The following GRM1 variants were observed in gnomAD, a reference collection of about 807,000 sequenced individuals.
The protein encoded by GRM1 is glutamate metabotropic receptor 1.
A neutral mutation model predicts 90.9 loss-of-function variants in GRM1; 33 were observed. The observed-to-expected ratio is 0.36, with a 90% CI of 0.28 to 0.49. The LOEUF is 0.49. GRM1 is among the 20% of genes least tolerant of loss of function. The pLI is 0.99. For synonymous variants in GRM1, 700 were observed against 613.2 expected (o/e 1.14, Z -2.09); for missense variants, 1,190 against 1,534.3 (o/e 0.78, Z 3.75).
At chr6:146,047,888 G>A (rs9390375) in intron 1 of GRM1, among the ~76,000 whole-genome samples, 1 of 152,104 alleles carries the variant, frequency 6.6e-6, no homozygotes, top group South Asian at 2.1e-4. Flanking sequence ...TCACATGAAA[G>A]ATGGCATATA....
intron 1 of GRM1, among the ~76,000 whole-genome samples, chr6:146,107,345 T>C (rs1775346916): frequency 6.7e-6 from 1 of 148,754 alleles, no homozygotes; most frequent in Admixed American, 6.6e-5. Flanking sequence ...TATTTTGTTG[T>C]TGTCTTTCCA....
intron 2 of GRM1, among the ~76,000 whole-genome samples, chr6:146,282,718 A>G (rs1782616792): frequency 1.3e-5 from 2 of 152,162 alleles, no homozygotes; most frequent in East Asian, 1.9e-4. Flanking sequence ...CTTTCTACAG[A>G]TGGTCAGAAA....
intron 2 of GRM1, among the ~76,000 whole-genome samples, chr6:146,244,692 G>A (rs542256846): frequency 1.7e-4 from 26 of 152,244 alleles, no homozygotes; most frequent in East Asian, 7.7e-4. Context: ...CTAGTTAACC[G>A]TGTGTAATAG....
intron 3 of GRM1, among the ~76,000 whole-genome samples, chr6:146,313,278 CTATTAA>C (rs1312320142): frequency 1.3e-5 from 2 of 152,136 alleles, no homozygotes; most frequent in African/African-American, 2.4e-5. Context: ...TTGGTTATAA[CTATTAA>C]TAAGTTCTTT....
At chr6:146,032,666 AG>A (rs2128836162) in intron 1 of GRM1, among the ~76,000 whole-genome samples, 1 of 152,302 alleles carries the variant, frequency 6.6e-6, no homozygotes, top group African/African-American at 2.4e-5. Context: ...CAAGGAAGCC[AG>A]TTTGTCTGGA....
At chr6:146,191,813 T>G (rs927278747) in intron 2 of GRM1, among the ~76,000 whole-genome samples, 6 of 152,218 alleles carry the variant, frequency 3.9e-5, no homozygotes, top group African/African-American at 1.4e-4. Context: ...ATCTATCACC[T>G]TTTGTTCTTT....
chr6:146,323,764 T>C lies in GRM1; in HGVS notation c.1186+18918T>C, dbSNP rs1329413711. ...TCTTTAATCCATCTTGAATTAATTTTTGTATAAAGTGTAAGGAAGGGATCC... is the reference window on the plus strand; with the variant it reads ...TCTTTAATCCATCTTGAATTAATTTCTGTATAAAGTGTAAGGAAGGGATCC... On this transcript the variant is annotated intron_variant, in intron 3 of 7. Coordinates refer to ENST00000282753, the MANE Select transcript of GRM1 (RefSeq NM_001278064.2). Among the ~76,000 whole-genome samples the C allele has an allele frequency of 4.6e-5, 7 of 152,354 alleles. No individual in the cohort carries two copies. In the East Asian group the frequency reaches 5.8e-4, roughly 13 times the overall value.
intron 1 of GRM1, among the ~76,000 whole-genome samples, chr6:146,049,611 C>T (rs1403884977): frequency 8.0e-6 from 1 of 125,510 alleles, no homozygotes; most frequent in African/African-American, 2.8e-5. Context: ...TCTCAACCTC[C>T]ATAATTGCAT....
chr6:146,121,803 G>T (rs1347060289), intron 1 of GRM1, among the ~76,000 whole-genome samples: 1 of 152,198 alleles, frequency 6.6e-6, no homozygotes. Flanking sequence ...GAGACAATTT[G>T]TTATAATTTC....
intron 2 of GRM1, chr6:146,171,518 T>C (rs1778125707): frequency 4.8e-6 from 1 of 207,302 alleles, no homozygotes; most frequent in South Asian, 1.0e-4. Flanking sequence ...GGCTAAAAAG[T>C]ATCCCGTGAC....
At chr6:146,350,959 T>A (rs1428242531) in intron 3 of GRM1, among the ~76,000 whole-genome samples, 2 of 152,216 alleles carry the variant, frequency 1.3e-5, no homozygotes, top group East Asian at 3.8e-4. Flanking sequence ...AGGGTAGATA[T>A]AAGGATATCC....
intron 5 of GRM1, among the ~76,000 whole-genome samples, chr6:146,358,393 G>T (rs1785672519): frequency 6.6e-6 from 1 of 152,198 alleles, no homozygotes; most frequent in Non-Finnish European, 1.5e-5. Flanking sequence ...AAACCAAACT[G>T]GGGGATGCGC....
rs1293164814 is a variant in GRM1, at chr6:146,435,861, A to G, written c.*1065A>G. The G allele has an allele frequency of 6.5e-6, 1 of 152,688 alleles. No homozygotes were observed. The highest frequency in any genetic ancestry group is 1.5e-5 in the Non-Finnish European group (1 of 68,040). The allele number at this position is 152,688 out of a possible 1,614,324, so 9.5% of individuals were successfully genotyped here. A position where few individuals can be genotyped will look rare whatever the true frequency, so the allele number is the denominator to read the frequency against. The stretch of plus-strand genomic sequence containing the variant: ...CAAGTTGAACTTCTAAGATGCGTAT[A>G]TGTACAATTTGGTGCCATTATTTCT... On this transcript the variant is annotated 3_prime_UTR_variant, in exon 8 of 8. Transcript: ENST00000282753.
At chr6:146,372,974 A>G (rs1331815302) in intron 5 of GRM1, among the ~76,000 whole-genome samples, 1 of 152,056 alleles carries the variant, frequency 6.6e-6, no homozygotes, top group African/African-American at 2.4e-5. Context: ...TACAAACTTT[A>G]GGATAGTTTT....
chr6:146,198,248 A>G (rs942355167), intron 2 of GRM1, among the ~76,000 whole-genome samples: 31 of 152,220 alleles, frequency 2.0e-4, no homozygotes, highest in African/African-American at 7.5e-4. Flanking sequence ...GAGATGAGGC[A>G]TCTGGCGGAG....
chr6:146,412,436 AT>A (rs1049503199), intron 7 of GRM1, among the ~76,000 whole-genome samples: 7 of 151,174 alleles, frequency 4.6e-5, no homozygotes, highest in Non-Finnish European at 8.9e-5. Flanking sequence ...TGTTTTTCAC[AT>A]TTTTTTTTGT....
At chr6:146,102,584 A>C (rs543640393) in intron 1 of GRM1, among the ~76,000 whole-genome samples, 2 of 152,326 alleles carry the variant, frequency 1.3e-5, no homozygotes, top group African/African-American at 4.8e-5. Flanking sequence ...TCTGGTCTTT[A>C]GTGACCCATC....
chr6:146,378,781 G>C (rs1199276667), intron 5 of GRM1, among the ~76,000 whole-genome samples: 1 of 152,158 alleles, frequency 6.6e-6, no homozygotes, highest in African/African-American at 2.4e-5. Flanking sequence ...AATAGGTCTT[G>C]AAATGTGAAG....
rs142079157 is a variant in GRM1 at position 146,058,156 on chromosome 6, T to C, written c.700+27939T>C. On this transcript the variant is annotated intron_variant, in intron 1 of 7. Coordinates refer to ENST00000282753, the MANE Select transcript of GRM1 (RefSeq NM_001278064.2). ...GAATTATGTAGATAACGAGCTGTCATCTTCTTTTTGCGTATTCTTACATGA... is the reference window on the plus strand; with the variant it reads ...GAATTATGTAGATAACGAGCTGTCACCTTCTTTTTGCGTATTCTTACATGA... Among the ~76,000 whole-genome samples, 8 of 152,236 alleles carry C rather than the reference T, an allele frequency of 5.3e-5. No individual in the cohort carries two copies. In the East Asian group the frequency reaches 1.5e-3, roughly 29 times the overall value.
Sources: gnomAD v4.1 joint callset for allele counts (sites outside exome capture counted in the v4.1 genomes callset) on GRCh38, gnomAD v4.1.1 for gene constraint, MANE v1.5 for transcripts, NCBI Gene and HGNC (gene_info 2026-07-23, HGNC 2026-07-21) for gene names.